AXDND1: variants seen among roughly 807,000 people sequenced by gnomAD.
AXDND1 encodes axonemal dynein light chain domain-containing protein 1.
AXDND1 carries 110 observed loss-of-function variants against 137.5 expected under a neutral mutation model. The ratio of observed to expected loss-of-function variants is 0.80; its 90% CI spans 0.69 to 0.94. AXDND1 has a LOEUF of 0.94. Among genes scored for constraint, AXDND1 ranks in the 40% least tolerant of loss-of-function variants. The pLI is 0.00. For synonymous variants in AXDND1, 414 were observed against 399.7 expected (o/e 1.04, Z -0.43); for missense variants, 1,191 against 1,169.8 (o/e 1.02, Z -0.26).
chr1:179,379,564 C>T (rs547230853), intron 6 of AXDND1, 82 bp downstream of exon 6: 72 of 1,532,848 alleles, frequency 4.7e-5, no homozygotes, highest in African/African-American at 1.7e-4. Flanking sequence ...GAGGCCAAGG[C>T]GGGTGGATCA....
chr1:179,438,262 G>A lies in AXDND1; in HGVS notation c.1563+5920G>A, dbSNP rs1658516345. Among the ~76,000 whole-genome samples, 3 of 152,160 alleles carry A rather than the reference G, an allele frequency of 2.0e-5. No homozygotes were observed. In the East Asian group the frequency reaches 5.8e-4, roughly 29 times the overall value. On this transcript the variant is annotated intron_variant, in intron 15 of 25. Transcript: ENST00000367618. ...TTCACAAGGTCCCACAGATACTTTG[G>A]TTATATTCTACGTTGGTGACACAAA...
At chr1:179,427,641 T>A (rs911124717) in intron 12 of AXDND1, among the ~76,000 whole-genome samples, 8 of 152,162 alleles carry the variant, frequency 5.3e-5, no homozygotes, top group Non-Finnish European at 1.0e-4. Flanking sequence ...TACCATGATA[T>A]TATTTTTAAA....
intron 15 of AXDND1, among the ~76,000 whole-genome samples, chr1:179,438,334 G>A (rs1001247336): frequency 3.9e-5 from 6 of 152,182 alleles, no homozygotes; most frequent in African/African-American, 1.4e-4. Context: ...GCAACTGCAA[G>A]CTTTGTACTT....
rs1667412860 is a variant in AXDND1 at position 179,366,445 on chromosome 1, G to A, written c.-65G>A. The A allele has an allele frequency of 7.6e-7, 1 of 1,321,524 alleles. No homozygotes were observed. Among genetic ancestry groups the A allele is most frequent in the Non-Finnish European group, 1.1e-6 (1 of 921,556 alleles). 81.9% of individuals were successfully genotyped at this position (1,321,524 alleles called of 1,614,324 possible). ...GCAAGTCCCAGTGCGGCGCTGATTT[G>A]TGTCTAAATTAGCTTTCCGGAGGAC... On this transcript the variant is annotated 5_prime_UTR_variant, in exon 2 of 26. The change creates a new upstream start codon in the 5' untranslated region. Coordinates refer to ENST00000367618, the MANE Select transcript of AXDND1 (RefSeq NM_144696.6).
At chr1:179,534,193 T>C (rs1364583947) in intron 24 of AXDND1, among the ~76,000 whole-genome samples, 2 of 152,198 alleles carry the variant, frequency 1.3e-5, no homozygotes, top group Non-Finnish European at 2.9e-5. Context: ...GGAGAAACTA[T>C]TGTGCTTGGG....
rs767651503 is a variant in AXDND1, at chr1:179,483,221, C to T, written c.2091C>T (p.His697=). ...INNGNIELQH[H]MDELHISMIQ... is the part of the protein sequence containing the mutation. ...ACGGTAACATTGAACTTCAGCACCA[C>T]GTATGTACTTGTAAGGGTTTTTGAC... The change falls in exon 18 of 26, where the codon CAC becomes CAT. Residue 697 remains histidine, a splice_region_variant and synonymous_variant. Coordinates refer to ENST00000367618, the MANE Select transcript of AXDND1 (RefSeq NM_144696.6). 7.5e-6 allele frequency: 12 copies of T among 1,590,298 alleles called. No homozygotes were observed. Among genetic ancestry groups the T allele is most frequent in the African/African-American group, 6.8e-5 (5 of 73,990 alleles).
At chr1:179,396,974 C>G (rs187512766) in intron 11 of AXDND1, among the ~76,000 whole-genome samples, 140 of 152,208 alleles carry the variant, frequency 9.2e-4, no homozygotes, top group Admixed American at 2.9e-3. Flanking sequence ...GACATTTAGC[C>G]CATTTACATT....
intron 20 of AXDND1, 133 bp from the exon 21 acceptor site, chr1:179,509,162 CT>C (rs2125638614): frequency 1.7e-6 from 1 of 589,710 alleles, no homozygotes; most frequent in African/African-American, 1.9e-5. Flanking sequence ...CACTGCACAA[CT>C]CTTTGAACTG....
intron 16 of AXDND1, chr1:179,452,420 G>A (rs2125401040): frequency 6.6e-6 from 1 of 151,636 alleles, no homozygotes; most frequent in Admixed American, 6.5e-5. Context: ...CGGGCGCGGT[G>A]GCTCACGCCT....
At chr1:179,389,523 T>C (rs1193673793) in intron 9 of AXDND1, among the ~76,000 whole-genome samples, 2 of 152,188 alleles carry the variant, frequency 1.3e-5, no homozygotes, top group Non-Finnish European at 2.9e-5. Flanking sequence ...GCAGTAGTCC[T>C]ACACTTGCCC....
At chr1:179,483,338 A>AC in intron 18 of AXDND1, 117 bp downstream of exon 18, 1 of 557,544 alleles carries the variant, frequency 1.8e-6, no homozygotes, top group Non-Finnish European at 3.1e-6. Flanking sequence ...GCAAAATAGA[A>AC]GCTTGTATAA....
At chr1:179,371,448 A>G (rs916570304) in intron 4 of AXDND1, among the ~76,000 whole-genome samples, 2 of 152,100 alleles carry the variant, frequency 1.3e-5, no homozygotes, top group Admixed American at 6.6e-5. Context: ...AAAACAAAAA[A>G]TAAAGTTTTA....
At chr1:179,517,193 T>C (rs1276897627) in intron 21 of AXDND1, among the ~76,000 whole-genome samples, 1 of 152,164 alleles carries the variant, frequency 6.6e-6, no homozygotes, top group Admixed American at 6.5e-5. Flanking sequence ...GGATTATGGC[T>C]GCCTCTGCTG....
At chr1:179,446,296 G>A (rs1659720161) in intron 16 of AXDND1, among the ~76,000 whole-genome samples, 1 of 152,124 alleles carries the variant, frequency 6.6e-6, no homozygotes, top group Non-Finnish European at 1.5e-5. Flanking sequence ...GTGTTATTGT[G>A]CACTATTATC....
rs570545892 is a variant in AXDND1, at chr1:179,413,466, T to A, written c.1230+2200T>A. ...CCTTGTGTCCATGTATACCCATTGT[T>A]TAGTTCCCACTTACAAGTGAGAACA... On this transcript the variant is annotated intron_variant, in intron 12 of 25. Transcript: ENST00000367618. 3.9e-5 allele frequency among the ~76,000 whole-genome samples: 6 copies of A among 152,342 alleles called. 1 individual carries two copies. The East Asian group carries it at 1.2e-3, about 29-fold the overall frequency.
At chr1:179,483,439 A>G (rs1455050993) in intron 18 of AXDND1, among the ~76,000 whole-genome samples, 1 of 152,218 alleles carries the variant, frequency 6.6e-6, no homozygotes, top group African/African-American at 2.4e-5. Flanking sequence ...CAATGAGCAA[A>G]TATGTTAAAG....
rs181924628 is a variant in AXDND1, at chr1:179,499,209, G to A, written c.2388+6258G>A. ...AACAACCTAAATGTCCATCAATTGC[G>A]ACTAGATAAACAAAATGCAGTATAT... On this transcript the variant is annotated intron_variant, in intron 20 of 25. Transcript: ENST00000367618. 3.0e-4 allele frequency among the ~76,000 whole-genome samples: 45 copies of A among 152,042 alleles called. No homozygotes were observed. In the South Asian group the frequency reaches 5.0e-3, roughly 17 times the overall value.
intron 14 of AXDND1, among the ~76,000 whole-genome samples, chr1:179,431,837 C>T (rs930518898): frequency 2.0e-5 from 3 of 152,110 alleles, no homozygotes; most frequent in African/African-American, 7.2e-5. Flanking sequence ...TAGCTTTCAC[C>T]TTGTGAGACT....
At chr1:179,412,309 G>A (rs1189120106) in intron 12 of AXDND1, among the ~76,000 whole-genome samples, 1 of 152,086 alleles carries the variant, frequency 6.6e-6, no homozygotes, top group Non-Finnish European at 1.5e-5. Context: ...TCTGACAACT[G>A]GGACTTCTAG....
Sources: allele counts gnomAD v4.1 joint callset (sites outside exome capture counted in the v4.1 genomes callset), GRCh38; gene constraint gnomAD v4.1.1; transcripts MANE v1.5; gene names NCBI Gene and HGNC (gene_info 2026-07-23, HGNC 2026-07-21).